The following CDH12 variants were observed in gnomAD, a reference collection of about 807,000 sequenced individuals.
The protein encoded by CDH12 is cadherin-12.
A neutral mutation model predicts 74.1 loss-of-function variants in CDH12; 41 were observed. That is an observed-to-expected ratio of 0.55 (90% confidence interval 0.43 to 0.72). CDH12 has a LOEUF of 0.72. Ranked by LOEUF, CDH12 falls within the 30% of genes least tolerant of loss-of-function variation. The probability of loss-of-function intolerance (pLI) is 0.00; values close to 1 mark genes in which losing one functional copy is unlikely to be tolerated. For missense variants in CDH12, 945 were observed against 977.2 expected (o/e 0.97, Z 0.44); for synonymous variants, 399 against 355.0 (o/e 1.12, Z -1.39).
At chr5:22,413,657 T>G (rs1444117) in intron 2 of CDH12, among the ~76,000 whole-genome samples, 1 of 151,610 alleles carries the variant, frequency 6.6e-6, no homozygotes, top group South Asian at 2.1e-4. Flanking sequence ...GCATATGGGC[T>G]TAAGGCAAAA....
At chr5:22,218,879 G>T (rs925635299) in intron 3 of CDH12, among the ~76,000 whole-genome samples, 10 of 151,664 alleles carry the variant, frequency 6.6e-5, no homozygotes, top group Non-Finnish European at 1.2e-4. Flanking sequence ...TAAAGAAACC[G>T]CATCGAAGAT....
chr5:22,438,484 A>T (rs1483703261), intron 2 of CDH12, among the ~76,000 whole-genome samples: 1 of 152,092 alleles, frequency 6.6e-6, no homozygotes, highest in Non-Finnish European at 1.5e-5. Context: ...CAAGAGTTCA[A>T]ATCTAAAACA....
chr5:22,477,806 A>G (rs1746227032), intron 2 of CDH12, among the ~76,000 whole-genome samples: 1 of 152,180 alleles, frequency 6.6e-6, no homozygotes, highest in Non-Finnish European at 1.5e-5. Flanking sequence ...CAACTCTTTC[A>G]CCTACACTGA....
chr5:22,197,346 G>A (rs10941939), intron 4 of CDH12, among the ~76,000 whole-genome samples: 12,444 of 152,132 alleles, frequency 0.082, 784 homozygotes, highest in African/African-American at 0.18. Flanking sequence ...TACTTGGGAG[G>A]CTGAGGCAGG....
chr5:22,294,654 G>C (rs1027466832), intron 3 of CDH12, among the ~76,000 whole-genome samples: 2 of 152,060 alleles, frequency 1.3e-5, no homozygotes, highest in Non-Finnish European at 2.9e-5. Context: ...CCACAGAGAA[G>C]ATTAGGCAAG....
intron 1 of CDH12, among the ~76,000 whole-genome samples, chr5:22,704,799 G>C (rs760079930): frequency 1.3e-5 from 2 of 151,894 alleles, no homozygotes; most frequent in Non-Finnish European, 2.9e-5. Context: ...TATTTATGCT[G>C]TGGCTTTCAC....
At chr5:22,063,508 T>C (rs1002981770) in intron 5 of CDH12, among the ~76,000 whole-genome samples, 12 of 152,126 alleles carry the variant, frequency 7.9e-5, no homozygotes, top group African/African-American at 2.4e-4. Context: ...TCTACCCCTT[T>C]AATATCTTTT....
chr5:21,887,915 T>G (rs1021894490), intron 6 of CDH12, among the ~76,000 whole-genome samples: 1 of 151,698 alleles, frequency 6.6e-6, no homozygotes, highest in African/African-American at 2.4e-5. Flanking sequence ...ATACTGTATT[T>G]TTTTTTTCCC....
chr5:22,749,011 A>G (rs1214601963), intron 1 of CDH12, among the ~76,000 whole-genome samples: 1 of 152,164 alleles, frequency 6.6e-6, no homozygotes, highest in Non-Finnish European at 1.5e-5. Context: ...TTGATGTGGG[A>G]AGGTGAGGAG....
intron 2 of CDH12, among the ~76,000 whole-genome samples, chr5:22,445,201 C>T (rs918016570): frequency 1.3e-5 from 2 of 151,998 alleles, no homozygotes; most frequent in Non-Finnish European, 2.9e-5. Flanking sequence ...TCTCAAAATT[C>T]TCTTTCTTCA....
At chr5:22,308,131 C>T (rs1201618121) in intron 3 of CDH12, among the ~76,000 whole-genome samples, 3 of 151,938 alleles carry the variant, frequency 2.0e-5, no homozygotes, top group Non-Finnish European at 2.9e-5. Context: ...CTGCCCACCT[C>T]GGCCTCCCAA....
At chr5:21,900,758 G>A (rs1357593440) in intron 6 of CDH12, among the ~76,000 whole-genome samples, 1 of 152,196 alleles carries the variant, frequency 6.6e-6, no homozygotes, top group Non-Finnish European at 1.5e-5. Context: ...TCAAGAGAGT[G>A]CTGAAGACTC....
intron 2 of CDH12, among the ~76,000 whole-genome samples, chr5:22,424,395 G>A (rs1259292793): frequency 6.6e-6 from 1 of 152,164 alleles, no homozygotes; most frequent in African/African-American, 2.4e-5. Flanking sequence ...GTAATACACT[G>A]GAGGTGAGAG....
chr5:21,992,427 T>C (rs1297170344), intron 5 of CDH12, among the ~76,000 whole-genome samples: 1 of 152,078 alleles, frequency 6.6e-6, no homozygotes, highest in Non-Finnish European at 1.5e-5. Context: ...GGTGCTTAAG[T>C]AGAGATTGAT....
intron 10 of CDH12, among the ~76,000 whole-genome samples, chr5:21,791,555 A>T (rs1746498582): frequency 6.6e-6 from 1 of 151,988 alleles, no homozygotes. Flanking sequence ...AACAGAAAGT[A>T]TGTTTGACTC....
intron 3 of CDH12, among the ~76,000 whole-genome samples, chr5:22,247,720 G>A (rs1281301957): frequency 3.9e-5 from 6 of 151,968 alleles, no homozygotes; most frequent in Non-Finnish European, 1.5e-5. Context: ...TTGAGTTATA[G>A]CTTTTCTCCA....
chr5:22,710,223 C>T (rs1471898268), intron 1 of CDH12, among the ~76,000 whole-genome samples: 1 of 152,124 alleles, frequency 6.6e-6, no homozygotes, highest in Non-Finnish European at 1.5e-5. Context: ...CAACAGGTAC[C>T]TCAAGCTACT....
At chr5:22,673,023 A>AT (rs963259483) in intron 1 of CDH12, among the ~76,000 whole-genome samples, 3 of 151,038 alleles carry the variant, frequency 2.0e-5, no homozygotes, top group Admixed American at 6.6e-5. Flanking sequence ...TTTTCTTTTC[A>AT]TTTTTTTTCT....
At chr5:22,713,395 C>T (rs543166576) in intron 1 of CDH12, among the ~76,000 whole-genome samples, 1 of 151,936 alleles carries the variant, frequency 6.6e-6, no homozygotes, top group Admixed American at 6.6e-5. Flanking sequence ...CCCACCTTGG[C>T]CTCCGAAACT....
Sources: gnomAD v4.1 joint callset for allele counts (sites outside exome capture counted in the v4.1 genomes callset) on GRCh38, gnomAD v4.1.1 for gene constraint, MANE v1.5 for transcripts, NCBI Gene and HGNC (gene_info 2026-07-23, HGNC 2026-07-21) for gene names.